Variants in PVRIG observed in about 807,000 individuals in gnomAD.
PVRIG encodes transmembrane protein PVRIG.
PVRIG carries 16 observed loss-of-function variants against 21.9 expected under a neutral mutation model. The ratio of observed to expected loss-of-function variants is 0.73; its 90% CI spans 0.50 to 1.11. The LOEUF (loss-of-function observed/expected upper bound fraction) is 1.11, where lower values mean the gene tolerates loss of function less well. Ranked by LOEUF, PVRIG falls within the 50% of genes most tolerant of loss-of-function variation. PVRIG has a pLI of 0.00. For missense variants in PVRIG, 435 were observed against 445.7 expected, an observed-to-expected ratio of 0.98 and a Z score of 0.22; for synonymous variants, 190 against 181.0, an observed-to-expected ratio of 1.05 and a Z score of -0.40.
exon 4 of PVRIG, chr7:100,220,657 C>A: frequency 6.2e-7 from 1 of 1,611,236 alleles, no homozygotes; most frequent in Non-Finnish European, 8.5e-7. Flanking sequence ...TCATCTGCTG[C>A]GCCGACATAA....
chr7:100,220,396 G>T, exon 3 of PVRIG: 2 of 1,590,788 alleles, frequency 1.3e-6, no homozygotes, highest in Non-Finnish European at 8.6e-7. Context: ...ACCTTCTGCT[G>T]CAAGTTTGCG....
chr7:100,220,468 G>C lies in PVRIG; in HGVS notation c.469+4G>C, dbSNP rs1241760294. The stretch of plus-strand genomic sequence containing the variant: ...CTCCCGCCCAGCTCAGACCCAGGTG[G>C]GGCCGGGGCGAGGGGTCCAGGAGGG... On this transcript the variant is annotated splice_donor_region_variant and intron_variant, in intron 3 of 5. Transcript: ENST00000317271. 6.2e-7 allele frequency: 1 copy of C among 1,611,802 alleles called. No individual in the cohort carries two copies.
In PVRIG at chr7:100,220,105, G is replaced by A. The variant is rs770915178; in HGVS notation, c.119-9G>A. On this transcript the variant is annotated splice_polypyrimidine_tract_variant and intron_variant, in intron 2 of 5. Coordinates refer to ENST00000317271, the Ensembl canonical transcript of PVRIG. ...ACAACAGCCCACCGACCTTGCTGCTGTTCCACAGGGACCCCGGAGGTGTGG... is the reference window on the plus strand; with the variant it reads ...ACAACAGCCCACCGACCTTGCTGCTATTCCACAGGGACCCCGGAGGTGTGG... 2 of 1,601,898 alleles carry A rather than the reference G, an allele frequency of 1.2e-6. No homozygotes were observed. The highest frequency in any genetic ancestry group is 1.1e-5 in the South Asian group (1 of 88,964).
chr7:100,219,861 G>T (rs1365479902), exon 2 of PVRIG: 1 of 1,419,278 alleles, frequency 7.0e-7, no homozygotes, highest in Admixed American at 2.0e-5. Context: ...GGTGTGAGAG[G>T]AGAGAAGGAA....
chr7:100,221,178 C>T (rs1200427173), exon 6 of PVRIG: 17 of 1,611,722 alleles, frequency 1.1e-5, no homozygotes, highest in Non-Finnish European at 1.4e-5. Flanking sequence ...CCTCCTCACA[C>T]TGGTCCCGGC....
chr7:100,221,347 G>A, exon 6 of PVRIG: 1 of 1,055,190 alleles, frequency 9.5e-7, no homozygotes, highest in Non-Finnish European at 1.3e-6. Flanking sequence ...TGTCCCATAG[G>A]TGTCTGGCCA....
At chr7:100,221,391 G>A (rs1803246198) in exon 6 of PVRIG, 2 of 628,830 alleles carry the variant, frequency 3.2e-6, no homozygotes, top group East Asian at 2.8e-5. Context: ...CTCTGTGTGT[G>A]CGTGTGTGGG....
chr7:100,219,917 A>G lies in PVRIG; in HGVS notation c.7A>G (p.Thr3Ala), dbSNP rs1191873447. The change falls in exon 2 of 6, where the codon ACA becomes GCA. Residue 3 changes from threonine to alanine, a missense_variant. Physicochemically the swap from Thr to Ala is moderately conservative, Grantham distance 58. Transcript: ENST00000317271. Reference sequence around the variant, plus strand: ...AACATGAAGACTTCCTGCGATGAGAACAGAGGCACAGGTGCCGGCCCTGCA... The same window carrying G: ...AACATGAAGACTTCCTGCGATGAGAGCAGAGGCACAGGTGCCGGCCCTGCA... 9.7e-6 allele frequency: 15 copies of G among 1,549,520 alleles called. No homozygotes were observed. In the South Asian group the frequency reaches 1.8e-4, roughly 18 times the overall value.
At chr7:100,220,278 C>T (rs771971368) in exon 3 of PVRIG, 32 of 1,562,678 alleles carry the variant, frequency 2.0e-5, no homozygotes, top group South Asian at 7.0e-5. Context: ...GCACCCAGAA[C>T]GTGGCATCCG....
Position 100,220,748 on chromosome 7 carries a change from G to T in PVRIG, c.597-12G>T. On this transcript the variant is annotated splice_polypyrimidine_tract_variant and intron_variant, in intron 4 of 5. Coordinates refer to ENST00000317271, the Ensembl canonical transcript of PVRIG. ...GCCCTGCAGAGCTCTGACCATCCTT[G>T]CTCTCTCCCAGCCCTGCCCCTAGGC... 6.2e-7 allele frequency: 1 copy of T among 1,606,372 alleles called. No individual in the cohort carries two copies.
chr7:100,221,012 G>C, exon 6 of PVRIG: 1 of 1,611,176 alleles, frequency 6.2e-7, no homozygotes, highest in Non-Finnish European at 8.5e-7. Context: ...TTTGGACACA[G>C]CTCACCCCCA....
chr7:100,220,804 C>A (rs759795626), exon 5 of PVRIG: 1 of 1,606,346 alleles, frequency 6.2e-7, no homozygotes, highest in Non-Finnish European at 8.5e-7. Flanking sequence ...CCCCAGGCAC[C>A]GAGAGCACGA....
Position 100,220,752 on chromosome 7 carries a change from T to TC in PVRIG, c.597-7dup. On this transcript the variant is annotated splice_region_variant and splice_polypyrimidine_tract_variant and intron_variant, in intron 4 of 5. Coordinates refer to ENST00000317271, the Ensembl canonical transcript of PVRIG. ...TGCAGAGCTCTGACCATCCTTGCTCTCTCCCAGCCCTGCCCCTAGGCTCCA... is the reference window on the plus strand; with the variant it reads ...TGCAGAGCTCTGACCATCCTTGCTCTCCTCCCAGCCCTGCCCCTAGGCTCCA... The TC allele has an allele frequency of 1.2e-6, 2 of 1,606,052 alleles. No individual in the cohort carries two copies. Among genetic ancestry groups the TC allele is most frequent in the Non-Finnish European group, 1.7e-6 (2 of 1,179,874 alleles).
rs754410684 is a variant in PVRIG, at chr7:100,220,883, G to T, written c.658-45G>T. 27 of 1,595,400 alleles carry T rather than the reference G, an allele frequency of 1.7e-5. No individual in the cohort carries two copies. In the Middle Eastern group the frequency reaches 2.6e-3, roughly 151 times the overall value. ...GGCAGGGGCAGGGGGGCCAGGGCTG[G>T]GCCCAAGCTGTGCAGACTCACTTGA... On this transcript the variant is annotated intron_variant, in intron 5 of 5. Coordinates refer to ENST00000317271, the Ensembl canonical transcript of PVRIG.
exon 2 of PVRIG, chr7:100,219,740 C>G: frequency 1.5e-6 from 1 of 660,172 alleles, no homozygotes; most frequent in Non-Finnish European, 2.7e-6. Flanking sequence ...TTCTCACCCA[C>G]CTGTGCCGCC....
exon 2 of PVRIG, chr7:100,219,881 T>G (rs2117680693): frequency 6.6e-7 from 1 of 1,521,570 alleles, no homozygotes; most frequent in East Asian, 2.5e-5. Flanking sequence ...AGTGGCTGTT[T>G]GGCTGCTGAC....
exon 2 of PVRIG, chr7:100,219,892 A>G (rs1803089877): frequency 1.3e-6 from 2 of 1,542,618 alleles, no homozygotes; most frequent in Non-Finnish European, 1.8e-6. Context: ...GGCTGCTGAC[A>G]ACATGAAGAC....
exon 6 of PVRIG, chr7:100,220,998 C>T: frequency 6.2e-7 from 1 of 1,603,130 alleles, no homozygotes. Context: ...TGCCGCCCAG[C>T]TACTTTGGAC....
chr7:100,221,262 G>T, exon 6 of PVRIG: 1 of 1,538,530 alleles, frequency 6.5e-7, no homozygotes, highest in East Asian at 2.3e-5. Flanking sequence ...GAGAGACCAT[G>T]AGGCCACTGG....
Sources: allele counts gnomAD v4.1 joint callset, GRCh38; gene constraint gnomAD v4.1.1; transcripts MANE v1.5; gene names NCBI Gene and HGNC (gene_info 2026-07-23, HGNC 2026-07-21).